DNAJB13: variants seen among roughly 807,000 people sequenced by gnomAD.
The protein encoded by DNAJB13 is DnaJ heat shock protein family (Hsp40) member B13, also known as dnaJ homolog subfamily B member 13.
In DNAJB13, 22 loss-of-function variants were observed where a neutral mutation model predicts 35.6. The ratio of observed to expected loss-of-function variants is 0.62; its 90% CI spans 0.44 to 0.88. The LOEUF is 0.88. DNAJB13 is among the 40% of genes least tolerant of loss of function. DNAJB13 has a pLI of 0.00. For missense variants in DNAJB13, 370 were observed against 384.3 expected (o/e 0.96, Z 0.31); for synonymous variants, 136 against 144.2 (o/e 0.94, Z 0.41).
chr11:73,967,900 T>C (rs4944871), intron 5 of DNAJB13: 69,160 of 228,320 alleles, frequency 0.3, 10,927 homozygotes, highest in Admixed American at 0.37. Context: ...GAGGATTCAC[T>C]GTCAGTGTTA....
chr11:73,958,448 G>T (rs752395903), intron 2 of DNAJB13, 28 bp downstream of exon 2: 3 of 1,592,420 alleles, frequency 1.9e-6, no homozygotes, highest in South Asian at 1.1e-5. Flanking sequence ...TGAGCACCCC[G>T]CTTGATTAGG....
Position 73,969,441 on chromosome 11 carries a change from C to A in DNAJB13, c.797+119C>A, listed in dbSNP as rs1398278482. The A allele has an allele frequency of 5.8e-6, 4 of 684,522 alleles. No individual in the cohort carries two copies. In the African/African-American group the frequency reaches 7.1e-5, roughly 12 times the overall value. 42.4% of individuals were successfully genotyped at this position (684,522 alleles called of 1,614,324 possible). A position where few individuals can be genotyped will look rare whatever the true frequency, so the allele number is the denominator to read the frequency against. On this transcript the variant is annotated intron_variant, in intron 7 of 7. Transcript: ENST00000339764. ...AGGCTGCCCCCAGCAGAAGGGTTCC[C>A]TGCTGAGGGGATAGAGAGGACCAAA...
chr11:73,965,225 G>A (rs1199617766), intron 4 of DNAJB13, 190 bp downstream of exon 4: 8 of 603,128 alleles, frequency 1.3e-5, no homozygotes, highest in South Asian at 1.0e-4. Flanking sequence ...ACATTAGCCC[G>A]GTTCTTTCCT....
At chr11:73,958,294 TG>T in intron 1 of DNAJB13, 22 bp from the exon 2 acceptor site, 2 of 1,611,924 alleles carry the variant, frequency 1.2e-6, no homozygotes, top group Non-Finnish European at 1.7e-6. Context: ...TGATAAGACT[TG>T]TATTAATTCT....
chr11:73,967,905 G>T, intron 5 of DNAJB13: 1 of 241,524 alleles, frequency 4.1e-6, no homozygotes, highest in Non-Finnish European at 7.9e-6. Flanking sequence ...TTCACTGTCA[G>T]TGTTAGGGGC....
At chr11:73,965,490 C>T (rs934753924) in intron 4 of DNAJB13, 14 of 162,502 alleles carry the variant, frequency 8.6e-5, no homozygotes, top group Middle Eastern at 3.0e-3. Context: ...TGAGGAAGAC[C>T]CTCAGTGCCT....
intron 1 of DNAJB13, among the ~76,000 whole-genome samples, chr11:73,956,470 C>A (rs1395895791): frequency 6.6e-6 from 1 of 151,962 alleles, no homozygotes; most frequent in Non-Finnish European, 1.5e-5. Flanking sequence ...AATGGGGAAA[C>A]CAGTGAAGGG....
chr11:73,965,251 T>G (rs1951076705), intron 4 of DNAJB13: 1 of 449,068 alleles, frequency 2.2e-6, no homozygotes, highest in Non-Finnish European at 3.9e-6. Flanking sequence ...AGGAGTGCCC[T>G]CTGCAGCCTT....
intron 1 of DNAJB13, among the ~76,000 whole-genome samples, chr11:73,954,420 G>A (rs541894955): frequency 8.0e-4 from 120 of 149,802 alleles, no homozygotes; most frequent in Non-Finnish European, 1.5e-3. Flanking sequence ...CACGAGTTCA[G>A]GAGATCAAGA....
At chr11:73,967,283 A>T (rs913693341) in intron 5 of DNAJB13, among the ~76,000 whole-genome samples, 1 of 152,216 alleles carries the variant, frequency 6.6e-6, no homozygotes, top group Non-Finnish European at 1.5e-5. Context: ...GGTGTGAGCC[A>T]CCGTGCCTGG....
At chr11:73,964,465 C>G (rs963987040) in intron 3 of DNAJB13, 1 of 226,100 alleles carries the variant, frequency 4.4e-6, no homozygotes, top group African/African-American at 2.4e-5. Flanking sequence ...CTGCCGAGGA[C>G]TACCAGCAGT....
intron 3 of DNAJB13, among the ~76,000 whole-genome samples, chr11:73,961,551 A>G (rs1056110680): frequency 7.2e-5 from 11 of 152,112 alleles, no homozygotes; most frequent in Admixed American, 6.5e-4. Flanking sequence ...CTGCAGAAAA[A>G]CCTAGTGTCT....
chr11:73,959,333 T>C (rs1950856350), intron 2 of DNAJB13, among the ~76,000 whole-genome samples, 161 bp from the exon 3 acceptor site: 1 of 152,198 alleles, frequency 6.6e-6, no homozygotes. Flanking sequence ...ATGGAACGCC[T>C]GACTCCTAGG....
chr11:73,957,241 C>G (rs1397939202), intron 1 of DNAJB13, among the ~76,000 whole-genome samples: 3 of 152,196 alleles, frequency 2.0e-5, no homozygotes, highest in Non-Finnish European at 4.4e-5. Context: ...GCTTTATTCC[C>G]CAGTTCTCCT....
rs376075679 is a variant in DNAJB13, at chr11:73,964,844, C to T, written c.335-34C>T. ...GCGCGCATGTCTGGGTCTCTGGATA[C>T]AATTTCTCTTACTCCTCTCCCTACC... On this transcript the variant is annotated intron_variant, in intron 3 of 7. Transcript: ENST00000339764. The T allele has an allele frequency of 3.2e-6, 5 of 1,565,402 alleles. No homozygotes were observed. In the African/African-American group the frequency reaches 7.0e-5, roughly 22 times the overall value.
chr11:73,951,279 C>T lies in DNAJB13; in HGVS notation c.68+142C>T, dbSNP rs1950579794. The T allele has an allele frequency of 1.7e-5, 18 of 1,057,348 alleles. No homozygotes were observed. In the South Asian group the frequency reaches 2.3e-4, roughly 14 times the overall value. The allele number at this position is 1,057,348 out of a possible 1,614,324, so 65.5% of individuals were successfully genotyped here. A position where few individuals can be genotyped will look rare whatever the true frequency, so the allele number is the denominator to read the frequency against. ...CTTTCACTTCTTGCATACCTGTATC[C>T]TGGCTTTGGTCTGGGTCAGGGCCCA... On this transcript the variant is annotated intron_variant, in intron 1 of 7. Coordinates refer to ENST00000339764, the MANE Select transcript of DNAJB13 (RefSeq NM_153614.4).
chr11:73,969,847 A>G (rs143049341), intron 7 of DNAJB13, 114 bp from the exon 8 acceptor site: 29 of 1,344,612 alleles, frequency 2.2e-5, no homozygotes, highest in Non-Finnish European at 2.8e-5. Context: ...CCAGGTGAAG[A>G]CTGCAGTGAC....
At chr11:73,969,343 C>A (rs1429151759) in intron 7 of DNAJB13, 21 bp downstream of exon 7, 1 of 870,354 alleles carries the variant, frequency 1.1e-6, no homozygotes, top group Non-Finnish European at 2.0e-6. Context: ...CTGCCTTGGG[C>A]CCCAGTAGCC....
rs1554994049 is a variant in DNAJB13, at chr11:73,969,939, C to T, written c.798-22C>T. The T allele has an allele frequency of 8.8e-6, 14 of 1,598,924 alleles. No individual in the cohort carries two copies. The South Asian group carries it at 1.5e-4, about 17-fold the overall frequency. ...GCTGCTCTGGGATGCCCTCTATGCTCCTTTCTTTCATCCTATTTCAGCCCC... is the reference window on the plus strand; with the variant it reads ...GCTGCTCTGGGATGCCCTCTATGCTTCTTTCTTTCATCCTATTTCAGCCCC... On this transcript the variant is annotated intron_variant, in intron 7 of 7. Transcript: ENST00000339764.
Sources: allele counts gnomAD v4.1 joint callset (sites outside exome capture counted in the v4.1 genomes callset), GRCh38; gene constraint gnomAD v4.1.1; transcripts MANE v1.5; gene names NCBI Gene and HGNC (gene_info 2026-07-23, HGNC 2026-07-21).